PGM2: variants seen among roughly 807,000 people sequenced by gnomAD.
The protein encoded by PGM2 is phosphoglucomutase 2, also known as phosphopentomutase.
Under a neutral mutation model 74.6 loss-of-function variants are expected in PGM2, and 57 were observed. The ratio of observed to expected loss-of-function variants is 0.76; its 90% CI spans 0.62 to 0.95. The LOEUF (loss-of-function observed/expected upper bound fraction) is 0.95. Among genes scored for constraint, PGM2 ranks in the 40% least tolerant of loss-of-function variants. The pLI, the probability that PGM2 is intolerant of heterozygous loss-of-function variation, is 0.00. For missense variants in PGM2, 706 were observed against 741.9 expected, an observed-to-expected ratio of 0.95 and a Z score of 0.56; for synonymous variants, 273 against 260.7, an observed-to-expected ratio of 1.05 and a Z score of -0.46.
intron 2 of PGM2, among the ~76,000 whole-genome samples, chr4:37,832,819 G>A (rs1380159486): frequency 6.6e-6 from 1 of 152,086 alleles, no homozygotes; most frequent in East Asian, 1.9e-4. Flanking sequence ...CTTTTTGAAG[G>A]TCATACACAT....
In PGM2 at chr4:37,846,968, G is replaced by C. The variant is rs1396751213; in HGVS notation, c.1045G>C (p.Ala349Pro). ...WRVFSGNELG[A>P]LLGWWLFTSW... is the part of the protein sequence containing the mutation. ...GGTGTTTTCAGGCAATGAGTTGGGGGCCCTCCTGGGCTGGTGGCTTTTTAC... is the reference window on the plus strand; with the variant it reads ...GGTGTTTTCAGGCAATGAGTTGGGGCCCCTCCTGGGCTGGTGGCTTTTTAC... Residue 349 changes from alanine to proline, a missense_variant, in exon 9 of 14, where the codon GCC (alanine) becomes CCC (proline). Ala to Pro is a conservative substitution (Grantham distance 27, BLOSUM62 -1). Coordinates refer to ENST00000381967, the MANE Select transcript of PGM2 (RefSeq NM_018290.4). 2.5e-6 allele frequency: 4 copies of C among 1,613,552 alleles called. No homozygotes were observed. In the East Asian group the frequency reaches 8.9e-5, roughly 36 times the overall value.
intron 1 of PGM2, among the ~76,000 whole-genome samples, chr4:37,827,433 C>G (rs957248567): frequency 6.6e-6 from 1 of 152,098 alleles, no homozygotes; most frequent in African/African-American, 2.4e-5. Flanking sequence ...GAACCCAGCT[C>G]TGGACATCAC....
chr4:37,854,444 G>C (rs1043067119), intron 12 of PGM2, among the ~76,000 whole-genome samples: 1 of 151,772 alleles, frequency 6.6e-6, no homozygotes, highest in African/African-American at 2.4e-5. Flanking sequence ...TCCACCTCCC[G>C]GGTTCAAGTG....
chr4:37,839,414 C>G, intron 4 of PGM2: 1 of 379,006 alleles, frequency 2.6e-6, no homozygotes, highest in Non-Finnish European at 5.2e-6. Context: ...CACCCCTGGC[C>G]CCTCAGTGTT....
chr4:37,848,499 A>G (rs1490765395), intron 10 of PGM2, 23 bp from the exon 11 acceptor site: 2 of 1,605,306 alleles, frequency 1.2e-6, no homozygotes, highest in African/African-American at 1.3e-5. Context: ...GTATAGATGT[A>G]TGTATGACGT....
intron 1 of PGM2, among the ~76,000 whole-genome samples, chr4:37,828,751 A>G: frequency 6.6e-6 from 1 of 152,212 alleles, no homozygotes; most frequent in Non-Finnish European, 1.5e-5. Context: ...TGAGTGTGGC[A>G]GTGAAGTCCA....
chr4:37,861,136 T>G (rs910143062), intron 13 of PGM2, among the ~76,000 whole-genome samples: 14 of 152,144 alleles, frequency 9.2e-5, no homozygotes. Context: ...TATAAAAGTT[T>G]AGCAGGATTT....
At chr4:37,828,756 A>G (rs1725361571) in intron 1 of PGM2, among the ~76,000 whole-genome samples, 2 of 152,208 alleles carry the variant, frequency 1.3e-5, no homozygotes, top group Admixed American at 6.5e-5. Flanking sequence ...GTGGCAGTGA[A>G]GTCCATGTTT....
Position 37,830,124 on chromosome 4 carries a change from C to G in PGM2, c.242C>G (p.Thr81Ser). The G allele has an allele frequency of 6.4e-7, 1 of 1,571,654 alleles. No homozygotes were observed. ...SRMNDLTIIQTTQGFCRYLEK... is the reference protein window; with the variant it reads ...SRMNDLTIIQSTQGFCRYLEK... ...ATGAATGACTTGACCATCATCCAGA[C>G]TACACAGGTACCATGTTTTTTATAA... Residue 81 changes from threonine (T) to serine (S), a missense_variant, in exon 2 of 14, where the codon ACT becomes AGT. Transcript: ENST00000381967.
chr4:37,848,374 G>C, intron 10 of PGM2, 148 bp from the exon 11 acceptor site: 1 of 617,698 alleles, frequency 1.6e-6, no homozygotes. Flanking sequence ...GCTAGGCACT[G>C]GGCTAAATTC....
intron 6 of PGM2, among the ~76,000 whole-genome samples, chr4:37,842,353 A>C (rs1001442475): frequency 1.3e-5 from 2 of 150,918 alleles, no homozygotes; most frequent in African/African-American, 4.9e-5. Flanking sequence ...GACATGCTCT[A>C]TAGCAAAATT....
At chr4:37,834,847 T>C (rs1250524997) in intron 3 of PGM2, 123 bp downstream of exon 3, 2 of 482,702 alleles carry the variant, frequency 4.1e-6, no homozygotes, top group Admixed American at 8.1e-5. Flanking sequence ...GTAAAAACAA[T>C]GGGTAAATTC....
chr4:37,832,717 C>T (rs1321455628), intron 2 of PGM2, among the ~76,000 whole-genome samples: 1 of 152,210 alleles, frequency 6.6e-6, no homozygotes, highest in Admixed American at 6.5e-5. Context: ...AGAGGCCATT[C>T]TATCTTTGGA....
At position 37,839,863 on chromosome 4, in the gene PGM2, C is replaced by T. The variant is rs766891328; in HGVS notation, c.457C>T (p.His153Tyr). ...TATGTTACAGCCCTTCACAGTATCACATTTGAAACTTTGTGCTGGAATCAT... is the reference window on the plus strand; with the variant it reads ...TATGTTACAGCCCTTCACAGTATCATATTTGAAACTTTGTGCTGGAATCAT... ...PTPFVPFTVS[H>Y]LKLCAGIMIT... Residue 153 changes from histidine (H) to tyrosine (Y), a missense_variant, in exon 5 of 14, where the codon CAT becomes TAT. Coordinates refer to ENST00000381967, the MANE Select transcript of PGM2 (RefSeq NM_018290.4). 2 of 1,590,686 alleles carry T rather than the reference C, an allele frequency of 1.3e-6. No individual in the cohort carries two copies. The highest frequency in any genetic ancestry group is 1.7e-6 in the Non-Finnish European group (2 of 1,158,636).
chr4:37,844,705 T>C (rs569667220), intron 7 of PGM2, 152 bp downstream of exon 7: 1 of 597,276 alleles, frequency 1.7e-6, no homozygotes, highest in Non-Finnish European at 2.9e-6. Context: ...CAGCGTCTCA[T>C]GTCTGTAATC....
chr4:37,852,280 A>G (rs1195295971), intron 12 of PGM2, among the ~76,000 whole-genome samples: 2 of 145,258 alleles, frequency 1.4e-5, no homozygotes, highest in South Asian at 2.2e-4. Flanking sequence ...TCATGTAGTA[A>G]TAGTTGCTTT....
chr4:37,854,839 A>C (rs182655968), intron 12 of PGM2, among the ~76,000 whole-genome samples: 71 of 152,294 alleles, frequency 4.7e-4, no homozygotes, highest in Non-Finnish European at 8.1e-4. Flanking sequence ...ACTTCAATAG[A>C]ACTAGGGAAG....
chr4:37,849,889 C>T (rs558716053), intron 11 of PGM2, among the ~76,000 whole-genome samples: 1 of 152,210 alleles, frequency 6.6e-6, no homozygotes, highest in South Asian at 2.1e-4. Flanking sequence ...TGGGTTCAAG[C>T]GATTCTCCTG....
intron 13 of PGM2, among the ~76,000 whole-genome samples, chr4:37,860,145 T>C (rs1356914222): frequency 6.6e-6 from 1 of 152,184 alleles, no homozygotes; most frequent in Non-Finnish European, 1.5e-5. Context: ...GAATAATAAA[T>C]TAGTAATCAG....
Sources: allele counts gnomAD v4.1 joint callset (sites outside exome capture counted in the v4.1 genomes callset), GRCh38; gene constraint gnomAD v4.1.1; transcripts MANE v1.5; gene names NCBI Gene and HGNC (gene_info 2026-07-23, HGNC 2026-07-21).